FANCA: variants seen among roughly 807,000 people sequenced by gnomAD.
FANCA encodes the protein FA complementation group A.
FANCA carries 236 observed loss-of-function variants against 194.3 expected under a neutral mutation model. The observed-to-expected ratio is 1.21, with a 90% CI of 1.09 to 1.35. The LOEUF (loss-of-function observed/expected upper bound fraction) is 1.35, where lower values mean the gene tolerates loss of function less well. Among genes scored for constraint, FANCA ranks in the 40% most tolerant of loss-of-function variants. The probability of loss-of-function intolerance (pLI) is 0.00; values close to 1 mark genes in which losing one functional copy is unlikely to be tolerated. For synonymous variants in FANCA, 1,014 were observed against 715.8 expected (o/e 1.42, Z -6.65); for missense variants, 2,628 against 1,813.9 (o/e 1.45, Z -8.15).
intron 10 of FANCA, 126 bp downstream of exon 10, chr16:89,799,040 C>G: frequency 6.2e-7 from 1 of 1,614,270 alleles, no homozygotes; most frequent in Non-Finnish European, 8.5e-7. Context: ...GTTATCGTAA[C>G]TGGCAGAGGA....
intron 20 of FANCA, among the ~76,000 whole-genome samples, chr16:89,776,159 CTTTTTTTTTT>C (rs3069458): frequency 5.4e-5 from 5 of 93,276 alleles, no homozygotes; most frequent in Admixed American, 2.4e-4. Context: ...CTTTGTTTTT[CTTTTTTTTTT>C]TTTTTTTTTT....
chr16:89,771,657 G>T, intron 23 of FANCA, 21 bp downstream of exon 23: 1 of 1,613,842 alleles, frequency 6.2e-7, no homozygotes, highest in Non-Finnish European at 8.5e-7. Flanking sequence ...CCCCTGCTTT[G>T]TTCTGAGCCC....
Position 89,737,573 on chromosome 16 carries a change from T to G in FANCA, c.*1028A>C. On this transcript the variant is annotated 3_prime_UTR_variant, in exon 43 of 43. Coordinates refer to ENST00000389301, the MANE Select transcript of FANCA (RefSeq NM_000135.4). ...GTTAAGGAAATAGCTTTCTGAGGTT[T>G]CTTTAAAAACCATCCTGAAATGCAC... 1 of 683,652 alleles carries G rather than the reference T, an allele frequency of 1.5e-6. No homozygotes were observed. Among genetic ancestry groups the G allele is most frequent in the Non-Finnish European group, 2.3e-6 (1 of 442,974 alleles). 42.3% of individuals were successfully genotyped at this position (683,652 alleles called of 1,614,324 possible). A position where few individuals can be genotyped will look rare whatever the true frequency, so the allele number is the denominator to read the frequency against.
chr16:89,785,858 G>GTT (rs1469531630), intron 14 of FANCA, among the ~76,000 whole-genome samples: 2 of 138,066 alleles, frequency 1.4e-5, no homozygotes, highest in African/African-American at 5.6e-5. Flanking sequence ...ATTGTGTTTT[G>GTT]TTTTTTTTTT....
chr16:89,775,930 T>C (rs1355437994), intron 20 of FANCA, 115 bp from the exon 21 acceptor site: 4 of 616,346 alleles, frequency 6.5e-6, no homozygotes, highest in African/African-American at 1.9e-5. Context: ...AAATTATAAA[T>C]ACTGTGTACA....
At chr16:89,795,621 G>T (rs759383642) in intron 11 of FANCA, among the ~76,000 whole-genome samples, 45 of 152,222 alleles carry the variant, frequency 3.0e-4, no homozygotes, top group Non-Finnish European at 2.6e-4. Flanking sequence ...ATGGGCAAGT[G>T]AGTGAGACTC....
chr16:89,792,082 A>G lies in FANCA; in HGVS notation c.1084-14T>C, dbSNP rs1267858023. ...CATCACAAAGAGCTGAAATAAAAGC[A>G]TCCGCTCCCTTCAATATCCAAGCAA... On this transcript the variant is annotated splice_polypyrimidine_tract_variant and intron_variant, in intron 12 of 42. Coordinates refer to ENST00000389301, the MANE Select transcript of FANCA (RefSeq NM_000135.4). 2 of 1,614,194 alleles carry G rather than the reference A, an allele frequency of 1.2e-6. No homozygotes were observed. The highest frequency in any genetic ancestry group is 3.3e-5 in the Admixed American group (2 of 60,024).
intron 14 of FANCA, among the ~76,000 whole-genome samples, chr16:89,787,242 G>A (rs1314850139): frequency 3.3e-5 from 5 of 152,130 alleles, no homozygotes; most frequent in South Asian, 2.1e-4. Flanking sequence ...CAGCCAGGAC[G>A]GCCGGGCGCG....
At chr16:89,739,061 A>C (rs1598051075) in intron 41 of FANCA, 72 bp downstream of exon 41, 1 of 1,614,056 alleles carries the variant, frequency 6.2e-7, no homozygotes, top group African/African-American at 1.3e-5. Context: ...GCTGTGCCGG[A>C]ACATTCTTTG....
Position 89,796,802 on chromosome 16 carries a change from C to G in FANCA, c.894-784G>C, listed in dbSNP as rs9934666. 1.6e-3 allele frequency among the ~76,000 whole-genome samples: 247 copies of G among 151,946 alleles called. 1 individual carries two copies. The highest frequency in any genetic ancestry group is 5.7e-3 in the African/African-American group (237 of 41,434). ...CTCTGGGAGGCTGAGGCGGGCAGAT[C>G]ACAAGGTCAGGAGATCAAGACTACC... On this transcript the variant is annotated intron_variant, in intron 10 of 42. Coordinates refer to ENST00000389301, the MANE Select transcript of FANCA (RefSeq NM_000135.4).
intron 8 of FANCA, among the ~76,000 whole-genome samples, chr16:89,800,002 G>A (rs1340530088): frequency 6.6e-6 from 1 of 152,132 alleles, no homozygotes; most frequent in African/African-American, 2.4e-5. Flanking sequence ...TCGGAAAAAA[G>A]AAAAAGAAAT....
chr16:89,763,926 A>AAC (rs1051130763), intron 28 of FANCA, among the ~76,000 whole-genome samples: 1 of 143,602 alleles, frequency 7.0e-6, no homozygotes, highest in African/African-American at 2.6e-5. Context: ...ACCAGAAAAA[A>AAC]AAAACAAAAC....
intron 17 of FANCA, among the ~76,000 whole-genome samples, chr16:89,780,189 G>C (rs1432600870): frequency 1.3e-5 from 2 of 152,172 alleles, no homozygotes; most frequent in African/African-American, 2.4e-5. Flanking sequence ...ACAAGGTTCA[G>C]ACCCCGTGAT....
chr16:89,740,709 C>G (rs921021256), intron 38 of FANCA, 95 bp downstream of exon 38: 24 of 986,136 alleles, frequency 2.4e-5, no homozygotes, highest in Admixed American at 1.7e-4. Context: ...AGCTCCTGAG[C>G]TAGTCTGGAA....
intron 7 of FANCA, among the ~76,000 whole-genome samples, chr16:89,804,477 G>C (rs1455168463): frequency 6.6e-6 from 1 of 152,058 alleles, no homozygotes; most frequent in Admixed American, 6.6e-5. Context: ...TATAAGTCCT[G>C]ACAAACCCAA....
In FANCA at chr16:89,779,086, G is replaced by C. The variant is rs1369274447; in HGVS notation, c.1716-83C>G. Reference sequence around the variant, plus strand: ...CAGACGGTGACCGGTGTTTCAGAGAGTGGACTGCGAGGGCTCACTCCAAAG... The same window carrying C: ...CAGACGGTGACCGGTGTTTCAGAGACTGGACTGCGAGGGCTCACTCCAAAG... On this transcript the variant is annotated intron_variant, in intron 18 of 42. Transcript: ENST00000389301. The C allele has an allele frequency of 2.5e-5, 34 of 1,347,652 alleles. 1 individual carries two copies. The highest frequency in any genetic ancestry group is 3.5e-5 in the Non-Finnish European group (33 of 951,224). 83.5% of individuals were successfully genotyped at this position (1,347,652 alleles called of 1,614,324 possible). A position where few individuals can be genotyped will look rare whatever the true frequency, so the allele number is the denominator to read the frequency against.
At chr16:89,798,514 T>C (rs2040324466) in intron 10 of FANCA, 1 of 1,104,110 alleles carries the variant, frequency 9.1e-7, no homozygotes, top group Non-Finnish European at 1.1e-6. Flanking sequence ...TGGCAAATTC[T>C]ACTGGTTTCT....
At chr16:89,781,376 A>C (rs2039697661) in intron 17 of FANCA, among the ~76,000 whole-genome samples, 3 of 150,066 alleles carry the variant, frequency 2.0e-5, no homozygotes, top group South Asian at 4.2e-4. Context: ...AAAAAAAAAA[A>C]AAAAAAAAAA....
intron 10 of FANCA, 84 bp from the exon 11 acceptor site, chr16:89,796,102 G>C (rs2040237808): frequency 1.9e-6 from 2 of 1,036,736 alleles, no homozygotes; most frequent in Admixed American, 3.5e-5. Context: ...CTGTGGCTCA[G>C]GCTCATCCCT....
Sources: allele counts gnomAD v4.1 joint callset (sites outside exome capture counted in the v4.1 genomes callset), GRCh38; gene constraint gnomAD v4.1.1; transcripts MANE v1.5; gene names NCBI Gene and HGNC (gene_info 2026-07-23, HGNC 2026-07-21).